The following ABCC9 variants were observed in gnomAD, a reference collection of about 807,000 sequenced individuals.
The protein encoded by ABCC9 is ATP binding cassette subfamily C member 9.
ABCC9 carries 95 observed loss-of-function variants against 188.3 expected under a neutral mutation model. The observed-to-expected ratio is 0.50, with a 90% CI of 0.43 to 0.60. ABCC9 has a LOEUF of 0.60. ABCC9 is among the 20% of genes least tolerant of loss of function. The pLI is 0.00. For synonymous variants in ABCC9, 659 were observed against 652.7 expected (o/e 1.01, Z -0.15); for missense variants, 1,102 against 1,876.3 (o/e 0.59, Z 7.62).
intron 13 of ABCC9, among the ~76,000 whole-genome samples, chr12:21,894,698 C>G (rs1033027267): frequency 4.6e-5 from 7 of 152,074 alleles, no homozygotes; most frequent in African/African-American, 1.7e-4. Context: ...CAGCCTCGAC[C>G]TCCCCAGGCT....
At chr12:21,907,126 A>G (rs1402827864) in intron 11 of ABCC9, among the ~76,000 whole-genome samples, 1 of 152,094 alleles carries the variant, frequency 6.6e-6, no homozygotes, top group Non-Finnish European at 1.5e-5. Flanking sequence ...TGCCTATCAA[A>G]TGATTGTTCA....
chr12:21,915,883 T>C lies in ABCC9; in HGVS notation c.601A>G (p.Lys201Glu), dbSNP rs1565482083. 2 of 1,612,910 alleles carry C rather than the reference T, an allele frequency of 1.2e-6. No individual in the cohort carries two copies. Among genetic ancestry groups the C allele is most frequent in the Non-Finnish European group, 1.7e-6 (2 of 1,179,338 alleles). Residue 201 changes from lysine to glutamate, a missense_variant, in exon 7 of 40, where the codon AAA (lysine) becomes GAA (glutamate). Coordinates refer to ENST00000261200, the MANE Select transcript of ABCC9 (RefSeq NM_020297.4). ...TGGAGGTCTTCAGGAGGCTTTACTT[T>C]CTGAGGATTCATGAAAAATACATAT... ...RRYVFFMNPQ[K>E]VKPPEDLQDL...
At chr12:21,845,477 A>T in intron 26 of ABCC9, 126 bp downstream of exon 26, 2 of 734,988 alleles carry the variant, frequency 2.7e-6, no homozygotes, top group Non-Finnish European at 2.3e-6. Flanking sequence ...TGTAATTATT[A>T]ACTTATTAAA....
intron 39 of ABCC9, chr12:21,805,370 AT>A: frequency 6.5e-7 from 1 of 1,541,540 alleles, no homozygotes. Context: ...CAAGTGACTC[AT>A]TAAAAAATAG....
At chr12:21,908,692 T>G (rs1324705540) in intron 10 of ABCC9, among the ~76,000 whole-genome samples, 2 of 152,022 alleles carry the variant, frequency 1.3e-5, no homozygotes, top group Non-Finnish European at 2.9e-5. Flanking sequence ...GATGGTTGTC[T>G]GTGGACTAAA....
intron 18 of ABCC9, among the ~76,000 whole-genome samples, chr12:21,865,291 A>C (rs1945725100): frequency 6.6e-6 from 1 of 152,096 alleles, no homozygotes; most frequent in African/African-American, 2.4e-5. Flanking sequence ...TATGCTACCT[A>C]ATGATATTTG....
intron 12 of ABCC9, among the ~76,000 whole-genome samples, chr12:21,898,244 G>A (rs1441747146): frequency 6.6e-6 from 1 of 152,128 alleles, no homozygotes; most frequent in Non-Finnish European, 1.5e-5. Context: ...AACCACTTAT[G>A]GCAATAATTG....
intron 22 of ABCC9, among the ~76,000 whole-genome samples, chr12:21,856,204 G>C (rs570921732): frequency 6.6e-6 from 1 of 152,028 alleles, no homozygotes; most frequent in African/African-American, 2.4e-5. Context: ...ACTAAAAATT[G>C]AGGCTTAATG....
chr12:21,817,822 G>A (rs906075269), intron 32 of ABCC9, among the ~76,000 whole-genome samples: 3 of 151,990 alleles, frequency 2.0e-5, no homozygotes, highest in Admixed American at 6.6e-5. Flanking sequence ...TTCCTCTAAC[G>A]TCCATGAATA....
At chr12:21,815,956 T>G in intron 33 of ABCC9, 63 bp from the exon 34 acceptor site, 2 of 1,369,598 alleles carry the variant, frequency 1.5e-6, no homozygotes, top group South Asian at 1.2e-5. Context: ...TAGAAAGAAA[T>G]GTATACATAC....
chr12:21,798,023 A>G lies in ABCC9; in HGVS notation c.*3021T>C, dbSNP rs1941236014. On this transcript the variant is annotated 3_prime_UTR_variant, in exon 40 of 40. Transcript: ENST00000261200. ...ATTCAATAGATTATATGTATAATAA[A>G]TGGTTAATCAATGAAAAACATTATC... 6.6e-6 allele frequency: 1 copy of G among 152,228 alleles called. No individual in the cohort carries two copies. The highest frequency in any genetic ancestry group is 1.5e-5 in the Non-Finnish European group (1 of 68,040). 9.4% of individuals were successfully genotyped at this position (152,228 alleles called of 1,614,324 possible).
chr12:21,846,614 T>G (rs1350858023), intron 25 of ABCC9, among the ~76,000 whole-genome samples: 4 of 152,160 alleles, frequency 2.6e-5, no homozygotes, highest in Non-Finnish European at 5.9e-5. Flanking sequence ...AATATGTTTA[T>G]GATGAGAAGA....
intron 28 of ABCC9, 44 bp downstream of exon 28, chr12:21,844,439 T>C: frequency 2.0e-6 from 3 of 1,463,588 alleles, no homozygotes; most frequent in Non-Finnish European, 2.9e-6. Flanking sequence ...TTAGCTTACA[T>C]TGTGAAACTA....
At chr12:21,820,475 G>A (rs1040048563) in intron 31 of ABCC9, among the ~76,000 whole-genome samples, 3 of 151,862 alleles carry the variant, frequency 2.0e-5, no homozygotes, top group African/African-American at 7.3e-5. Context: ...TTCAAACTCA[G>A]ATGGGTGACA....
chr12:21,882,209 G>A (rs1053917941), intron 16 of ABCC9, among the ~76,000 whole-genome samples: 3 of 151,952 alleles, frequency 2.0e-5, no homozygotes, highest in Non-Finnish European at 2.9e-5. Flanking sequence ...GACTGCTGCC[G>A]GCAGCTCTTC....
chr12:21,889,795 C>T (rs1011159551), intron 14 of ABCC9, among the ~76,000 whole-genome samples: 3 of 152,250 alleles, frequency 2.0e-5, no homozygotes, highest in Non-Finnish European at 4.4e-5. Context: ...GGACGACATT[C>T]TCTCTTCTTA....
At chr12:21,816,077 T>TTTTA in intron 33 of ABCC9, among the ~76,000 whole-genome samples, 184 bp from the exon 34 acceptor site, 1 of 87,664 alleles carries the variant, frequency 1.1e-5, no homozygotes, top group Admixed American at 1.3e-4. Flanking sequence ...TTTTTTTTTT[T>TTTTA]TTTAGTTTAA....
At chr12:21,889,468 C>A (rs1442368862) in intron 14 of ABCC9, among the ~76,000 whole-genome samples, 1 of 152,126 alleles carries the variant, frequency 6.6e-6, no homozygotes, top group Non-Finnish European at 1.5e-5. Context: ...CAAAGGAATA[C>A]CTTTAAACAA....
chr12:21,891,467 G>T (rs190080125), intron 14 of ABCC9, among the ~76,000 whole-genome samples: 5 of 152,184 alleles, frequency 3.3e-5, no homozygotes, highest in Admixed American at 2.0e-4. Flanking sequence ...GTGCTGGGGG[G>T]TGTGAGGAGA....
Sources: gnomAD v4.1 joint callset for allele counts (sites outside exome capture counted in the v4.1 genomes callset) on GRCh38, gnomAD v4.1.1 for gene constraint, MANE v1.5 for transcripts, NCBI Gene and HGNC (gene_info 2026-07-23, HGNC 2026-07-21) for gene names.